The following ZNF346 variants were observed in gnomAD, a reference collection of about 807,000 sequenced individuals.
ZNF346 encodes double-stranded RNA-binding zinc finger protein JAZ.
ZNF346 carries 23 observed loss-of-function variants against 33.7 expected under a neutral mutation model. The observed-to-expected ratio is 0.68, with a 90% CI of 0.49 to 0.97. ZNF346 has a LOEUF of 0.97. Among genes scored for constraint, ZNF346 ranks in the 50% least tolerant of loss-of-function variants. ZNF346 has a pLI of 0.00. For missense variants in ZNF346, 340 were observed against 371.1 expected, an observed-to-expected ratio of 0.92 and a Z score of 0.69; for synonymous variants, 134 against 142.4, an observed-to-expected ratio of 0.94 and a Z score of 0.42.
chr5:177,030,738 A>G (rs1385531077), intron 1 of ZNF346, among the ~76,000 whole-genome samples: 1 of 152,066 alleles, frequency 6.6e-6, no homozygotes, highest in East Asian at 1.9e-4. Context: ...GTCTAATTTT[A>G]GAACATTTTC....
intron 1 of ZNF346, among the ~76,000 whole-genome samples, chr5:177,027,505 G>A (rs943639527): frequency 6.7e-5 from 10 of 148,438 alleles, no homozygotes; most frequent in African/African-American, 9.9e-5. Context: ...AGAATCGCTT[G>A]AACCCAGGAG....
chr5:177,048,769 G>GT (rs58317619), intron 4 of ZNF346, among the ~76,000 whole-genome samples: 8 of 147,014 alleles, frequency 5.4e-5, no homozygotes, highest in African/African-American at 1.8e-4. Context: ...TGTGTAACTT[G>GT]TTTTTTTCTT....
chr5:177,063,708 T>G (rs1782832339), intron 6 of ZNF346, among the ~76,000 whole-genome samples: 1 of 152,154 alleles, frequency 6.6e-6, no homozygotes, highest in South Asian at 2.1e-4. Flanking sequence ...ACATGGGCAA[T>G]GTAGTGAGAC....
intron 1 of ZNF346, among the ~76,000 whole-genome samples, chr5:177,024,749 A>G (rs2149571162): frequency 6.6e-6 from 1 of 152,360 alleles, no homozygotes; most frequent in South Asian, 2.1e-4. Context: ...GAGGTGCACA[A>G]GAAGAAAGTG....
downstream of ZNF346, among the ~76,000 whole-genome samples, chr5:177,070,785 C>A (rs577130508): frequency 2.6e-5 from 4 of 151,860 alleles, no homozygotes; most frequent in Non-Finnish European, 5.9e-5. Flanking sequence ...CTGACTGAGG[C>A]GGGGGGAAAA....
At chr5:177,052,007 T>A (rs1056881940) in intron 5 of ZNF346, 2 of 151,988 alleles carry the variant, frequency 1.3e-5, no homozygotes, top group Non-Finnish European at 2.9e-5. Flanking sequence ...CTACTAAAAA[T>A]TTTAAATATT....
chr5:177,044,425 C>T lies in ZNF346; in HGVS notation c.409C>T (p.Pro137Ser). ...SRSKDKNQCCPICNMTFSSPV... is the reference protein window; with the variant it reads ...SRSKDKNQCCSICNMTFSSPV... ...AAGCAAAGACAAGAACCAGTGCTGCCCCATCTGTAACATGACCTTTTCCTC... is the reference window on the plus strand; with the variant it reads ...AAGCAAAGACAAGAACCAGTGCTGCTCCATCTGTAACATGACCTTTTCCTC... The change falls in exon 4 of 7, where the codon CCC becomes TCC. Residue 137 changes from proline (P) to serine (S), a missense_variant. By Grantham distance (74) the Pro-to-Ser change is moderately conservative. Transcript: ENST00000358149. The T allele has an allele frequency of 6.2e-7, 1 of 1,614,042 alleles. No homozygotes were observed.
chr5:177,043,791 G>C (rs756677501), intron 3 of ZNF346, among the ~76,000 whole-genome samples: 3 of 151,920 alleles, frequency 2.0e-5, no homozygotes, highest in Non-Finnish European at 2.9e-5. Flanking sequence ...TGGTCCACTT[G>C]TTCAGCAAAC....
chr5:177,074,863 C>T (rs969518991), intron 8 of ZNF346, among the ~76,000 whole-genome samples: 3 of 151,512 alleles, frequency 2.0e-5, no homozygotes, highest in Non-Finnish European at 4.4e-5. Context: ...GTCAGGAGAA[C>T]GAGACCATCC....
In ZNF346 at chr5:177,028,496, T is replaced by TTTTATATATATA. The variant is rs1554142622; in HGVS notation, c.175+5584_175+5585insTTATATATATAT. Among the ~76,000 whole-genome samples, 18 of 90,512 alleles carry TTTTATATATATA rather than the reference T, an allele frequency of 2.0e-4. 1 individual carries two copies. Among genetic ancestry groups the TTTTATATATATA allele is most frequent in the African/African-American group, 9.9e-4 (17 of 17,146 alleles). 59.4% of individuals were successfully genotyped at this position (90,512 alleles called of 152,430 possible). A position where few individuals can be genotyped will look rare whatever the true frequency, so the allele number is the denominator to read the frequency against. On this transcript the variant is annotated intron_variant, in intron 1 of 6. Coordinates refer to ENST00000358149, the MANE Select transcript of ZNF346 (RefSeq NM_012279.4). ...TTCTCTCTTAAGCACTTGTGACGTT[T>TTTTATATATATA]TATATATATATATATATATATATAT...
chr5:177,028,395 A>G (rs979272349), intron 1 of ZNF346, among the ~76,000 whole-genome samples: 3 of 149,478 alleles, frequency 2.0e-5, no homozygotes, highest in Non-Finnish European at 4.4e-5. Context: ...TCTAGTTTCT[A>G]AGGTAAGATC....
intron 1 of ZNF346, among the ~76,000 whole-genome samples, chr5:177,033,132 G>A (rs749461346): frequency 2.0e-5 from 3 of 152,220 alleles, no homozygotes; most frequent in African/African-American, 7.2e-5. Context: ...CTGAAGTGCA[G>A]TGGCGCAATT....
intron 4 of ZNF346, among the ~76,000 whole-genome samples, chr5:177,044,838 T>A (rs1167055023): frequency 6.6e-6 from 1 of 152,154 alleles, no homozygotes; most frequent in East Asian, 1.9e-4. Flanking sequence ...GAGCATTCTA[T>A]CTCCTACCTC....
At chr5:177,035,621 C>T (rs1292936936) in intron 1 of ZNF346, among the ~76,000 whole-genome samples, 15 of 149,252 alleles carry the variant, frequency 1.0e-4, no homozygotes, top group Non-Finnish European at 2.1e-4. Context: ...ACCATCACAC[C>T]CGGCTAATTG....
intron 1 of ZNF346, among the ~76,000 whole-genome samples, chr5:177,032,008 T>C (rs1157633657): frequency 4.3e-5 from 5 of 116,478 alleles, no homozygotes; most frequent in East Asian, 2.1e-4. Context: ...CTTTTTTTTT[T>C]TTTTTTTTTT....
At chr5:177,075,227 C>T (rs1473289104) in intron 8 of ZNF346, among the ~76,000 whole-genome samples, 3 of 149,636 alleles carry the variant, frequency 2.0e-5, no homozygotes, top group East Asian at 4.0e-4. Flanking sequence ...GGTGAAACCC[C>T]GTCTCTATTA....
exon 9 of ZNF346, chr5:177,079,535 C>T (rs1783900141): frequency 6.6e-6 from 1 of 152,164 alleles, no homozygotes; most frequent in Admixed American, 6.6e-5. Flanking sequence ...GAGAGAAAAA[C>T]CTGGAGAACG....
At chr5:177,028,955 G>A (rs886367547) in intron 1 of ZNF346, among the ~76,000 whole-genome samples, 3 of 151,498 alleles carry the variant, frequency 2.0e-5, no homozygotes, top group Non-Finnish European at 4.4e-5. Context: ...TCCTGACCTC[G>A]TAATCTGCCC....
At chr5:177,078,444 G>T (rs1783853042) in intron 8 of ZNF346, among the ~76,000 whole-genome samples, 1 of 152,198 alleles carries the variant, frequency 6.6e-6, no homozygotes, top group African/African-American at 2.4e-5. Context: ...TGAATGTCAG[G>T]CTGAGGAGCT....
Sources: allele counts gnomAD v4.1 joint callset (sites outside exome capture counted in the v4.1 genomes callset), GRCh38; gene constraint gnomAD v4.1.1; transcripts MANE v1.5; gene names NCBI Gene and HGNC (gene_info 2026-07-23, HGNC 2026-07-21).